Variants in MORC1 observed in about 807,000 individuals in gnomAD.
The protein encoded by MORC1 is MORC family CW-type zinc finger protein 1.
MORC1 carries 59 observed loss-of-function variants against 134.9 expected under a neutral mutation model. The ratio of observed to expected loss-of-function variants is 0.44; its 90% confidence interval spans 0.35 to 0.54. MORC1 has a LOEUF of 0.54. Ranked by LOEUF, MORC1 falls within the 20% of genes least tolerant of loss-of-function variation. The pLI, the probability that MORC1 is intolerant of heterozygous loss-of-function variation, is 0.00. For missense variants in MORC1, 947 were observed against 1,134.5 expected (o/e 0.83, Z 2.37); for synonymous variants, 395 against 391.7 (o/e 1.01, Z -0.10).
chr3:109,105,094 A>T (rs528072077), intron 3 of MORC1, among the ~76,000 whole-genome samples: 18 of 152,102 alleles, frequency 1.2e-4, no homozygotes, highest in Admixed American at 1.2e-3. Flanking sequence ...TTCAAAAGTC[A>T]CTTAGAGACT....
intron 20 of MORC1, among the ~76,000 whole-genome samples, chr3:109,002,178 A>G (rs182274839): frequency 6.6e-6 from 1 of 152,350 alleles, no homozygotes; most frequent in East Asian, 1.9e-4. Flanking sequence ...CAGAAATACC[A>G]TGTACTGGTT....
chr3:109,082,559 A>G (rs1950543682), intron 8 of MORC1, among the ~76,000 whole-genome samples: 1 of 152,172 alleles, frequency 6.6e-6, no homozygotes, highest in South Asian at 2.1e-4. Flanking sequence ...TAATTCAGTA[A>G]TTAAAGAAAT....
At chr3:108,980,859 A>G (rs1947698019) in intron 23 of MORC1, among the ~76,000 whole-genome samples, 1 of 152,210 alleles carries the variant, frequency 6.6e-6, no homozygotes, top group African/African-American at 2.4e-5. Context: ...GTGAGCAGGA[A>G]GCAGATGGAA....
At chr3:109,109,181 C>A (rs1279344256) in intron 3 of MORC1, among the ~76,000 whole-genome samples, 1 of 152,070 alleles carries the variant, frequency 6.6e-6, no homozygotes, top group East Asian at 1.9e-4. Context: ...AAGCTGTATA[C>A]CCCTTCCATG....
In MORC1 at chr3:109,057,439, A is replaced by G. The variant is rs1949986275; in HGVS notation, c.1079T>C (p.Val360Ala). The stretch of plus-strand genomic sequence containing the variant: ...CATTCCAGCTTGGCTTCGGTTTTCT[A>G]CGTTCACTCCATAGAACAGGGAGAG... Reference protein sequence around the residue: ...RTLSLFYGVNVENRSQAGMFI... With the variant: ...RTLSLFYGVNAENRSQAGMFI... The change falls in exon 13 of 28, where the codon GTA (valine) becomes GCA (alanine). Residue 360 changes from valine to alanine, a missense_variant. Physicochemically the swap from Val to Ala is moderately conservative, Grantham distance 64 (BLOSUM62 0). Around this residue, in one of 3 missense-constraint regions of MORC1, gnomAD observed 722 missense variants for 817.0 expected, o/e 0.88. Coordinates refer to ENST00000232603, the MANE Select transcript of MORC1 (RefSeq NM_014429.4). 3.1e-6 allele frequency: 5 copies of G among 1,611,666 alleles called. No individual in the cohort carries two copies. In the African/African-American group the frequency reaches 5.3e-5, roughly 17 times the overall value.
chr3:109,007,225 G>A (rs1257850738), intron 17 of MORC1, 134 bp from the exon 18 acceptor site: 1 of 630,772 alleles, frequency 1.6e-6, no homozygotes, highest in East Asian at 2.8e-5. Flanking sequence ...ATTGTTCAAG[G>A]AGTGCATTTA....
At chr3:109,052,446 A>T (rs1419285169) in intron 14 of MORC1, among the ~76,000 whole-genome samples, 1 of 152,172 alleles carries the variant, frequency 6.6e-6, no homozygotes, top group African/African-American at 2.4e-5. Context: ...TGCATTTCTA[A>T]CAAGTTCCAG....
chr3:109,048,528 T>C (rs539527636), intron 14 of MORC1, among the ~76,000 whole-genome samples: 6 of 152,294 alleles, frequency 3.9e-5, no homozygotes, highest in African/African-American at 1.4e-4. Context: ...ATTCTAATTT[T>C]GAAATCTCCC....
chr3:109,008,860 T>C (rs1265898935), intron 17 of MORC1, among the ~76,000 whole-genome samples: 1 of 152,152 alleles, frequency 6.6e-6, no homozygotes, highest in Non-Finnish European at 1.5e-5. Flanking sequence ...GTGTTTACCT[T>C]AGTACTAAGA....
intron 14 of MORC1, among the ~76,000 whole-genome samples, chr3:109,044,217 T>C (rs921010941): frequency 2.0e-5 from 3 of 152,130 alleles, no homozygotes; most frequent in African/African-American, 7.2e-5. Context: ...ATTCAGTAGA[T>C]TCCTAATATT....
chr3:109,026,692 A>G (rs1949081984), intron 17 of MORC1, among the ~76,000 whole-genome samples: 1 of 152,236 alleles, frequency 6.6e-6, no homozygotes, highest in East Asian at 1.9e-4. Flanking sequence ...CTAATTATTT[A>G]TTAAAAGTCT....
intron 9 of MORC1, among the ~76,000 whole-genome samples, chr3:109,066,917 T>C (rs1950210273): frequency 6.6e-6 from 1 of 152,154 alleles, no homozygotes; most frequent in Admixed American, 6.5e-5. Flanking sequence ...CCAATTATCA[T>C]ACTGTAATAA....
intron 21 of MORC1, among the ~76,000 whole-genome samples, chr3:108,992,631 G>C (rs1468230764): frequency 6.6e-6 from 1 of 152,136 alleles, no homozygotes; most frequent in Non-Finnish European, 1.5e-5. Flanking sequence ...TTTTACTAAA[G>C]ATTATATTGG....
Position 108,958,975 on chromosome 3 carries a change from G to T in MORC1, c.2945C>A (p.Ser982Ter), listed in dbSNP as rs16855035. The T allele has an allele frequency of 2.0e-6, 3 of 1,486,718 alleles. No homozygotes were observed. Among genetic ancestry groups the T allele is most frequent in the South Asian group, 1.4e-5 (1 of 72,616 alleles). The allele number at this position is 1,486,718 out of a possible 1,614,324, so 92.1% of individuals were successfully genotyped here. The change falls in exon 28 of 28, where the codon TCG becomes TAG. Residue 982 changes from serine to a stop codon, truncating the protein, a stop_gained. Coordinates refer to ENST00000232603, the MANE Select transcript of MORC1 (RefSeq NM_014429.4). LOFTEE classifies it high-confidence loss of function. ...AATACCATCTCTGACTTAATTTTCC[G>T]AAGTCTTTTCATTTTTTTCTAAAGG... ...RLPLEKNEKT[S>*]EN is the part of the protein sequence containing the mutation.
intron 1 of MORC1, among the ~76,000 whole-genome samples, chr3:109,116,014 T>C (rs926178930): frequency 3.9e-5 from 6 of 152,150 alleles, no homozygotes; most frequent in African/African-American, 7.2e-5. Flanking sequence ...GAGCAAGAGA[T>C]ACAAAGACCC....
At chr3:109,004,968 A>G in intron 19 of MORC1, 80 bp from the exon 20 acceptor site, 1 of 1,574,880 alleles carries the variant, frequency 6.3e-7, no homozygotes, top group Non-Finnish European at 8.6e-7. Flanking sequence ...TGTATATTTT[A>G]TAATTAAAGT....
intron 16 of MORC1, among the ~76,000 whole-genome samples, chr3:109,031,250 G>A (rs546510659): frequency 2.8e-4 from 42 of 152,142 alleles, no homozygotes; most frequent in Non-Finnish European, 5.9e-4. Flanking sequence ...GGCCTCTAGT[G>A]ACCAGGGACT....
In MORC1 at chr3:109,032,700, T is replaced by C. The variant is rs776959205; in HGVS notation, c.1565+20A>G. 6.8e-7 allele frequency: 1 copy of C among 1,471,622 alleles called. No homozygotes were observed. Among genetic ancestry groups the C allele is most frequent in the South Asian group, 1.2e-5 (1 of 81,536 alleles). The allele number at this position is 1,471,622 out of a possible 1,614,324, so 91.2% of individuals were successfully genotyped here. A position where few individuals can be genotyped will look rare whatever the true frequency, so the allele number is the denominator to read the frequency against. On this transcript the variant is annotated intron_variant, in intron 16 of 27. Transcript: ENST00000232603. ...GAAATTAAAAATGAATAAAGAATTT[T>C]AGAAAATAATCAAAAATACCTGTTT... is the stretch of plus-strand genomic sequence containing the variant.
At chr3:109,095,173 ACTAAGTTAAAAGTTCATTTTCCTC>A in intron 6 of MORC1, 105 bp from the exon 7 acceptor site, 2 of 1,104,802 alleles carry the variant, frequency 1.8e-6, no homozygotes, top group Non-Finnish European at 1.3e-6. Context: ...ATTACAAAAC[ACTAAGTTAAAAGTTCATTTTCCTC>A]CTATAATCTA....
Sources: gnomAD v4.1 joint callset for allele counts (sites outside exome capture counted in the v4.1 genomes callset) on GRCh38, gnomAD v4.1.1 for gene constraint, gnomAD v4.1.1 regional missense constraint, MANE v1.5 for transcripts, NCBI Gene and HGNC (gene_info 2026-07-23, HGNC 2026-07-21) for gene names.